The following GRIP1 variants were observed in gnomAD, a reference collection of about 807,000 sequenced individuals.
GRIP1 encodes the protein glutamate receptor interacting protein 1.
A neutral mutation model predicts 129.9 loss-of-function variants in GRIP1; 45 were observed. That is an observed-to-expected ratio of 0.35 (90% CI 0.27 to 0.44). The LOEUF (loss-of-function observed/expected upper bound fraction) is 0.44. Among genes scored for constraint, GRIP1 ranks in the 20% least tolerant of loss-of-function variants. The pLI is 1.00. For synonymous variants in GRIP1, 530 were observed against 520.8 expected (o/e 1.02, Z -0.24); for missense variants, 1,196 against 1,396.8 (o/e 0.86, Z 2.29).
At chr12:66,959,015 G>A (rs1464543531) in intron 1 of GRIP1, among the ~76,000 whole-genome samples, 1 of 152,136 alleles carries the variant, frequency 6.6e-6, no homozygotes, top group African/African-American at 2.4e-5. Context: ...TTTATTCCTA[G>A]ATGGATGAAC....
chr12:66,373,732 A>G (rs753573837), intron 22 of GRIP1, among the ~76,000 whole-genome samples: 8 of 152,264 alleles, frequency 5.3e-5, no homozygotes, highest in African/African-American at 1.2e-4. Flanking sequence ...AAAGAAAATT[A>G]TAACTGTAAA....
intron 1 of GRIP1, among the ~76,000 whole-genome samples, chr12:66,665,636 T>A (rs1255422429): frequency 6.6e-6 from 1 of 152,204 alleles, no homozygotes; most frequent in Non-Finnish European, 1.5e-5. Flanking sequence ...GTGCATAGTA[T>A]GCCAATAATT....
chr12:66,883,945 T>C (rs750422912), intron 1 of GRIP1, among the ~76,000 whole-genome samples: 2 of 152,222 alleles, frequency 1.3e-5, no homozygotes, highest in African/African-American at 2.4e-5. Context: ...GCATAATGCC[T>C]GGCACATTGT....
intron 1 of GRIP1, among the ~76,000 whole-genome samples, chr12:66,647,833 G>A (rs1314482514): frequency 2.0e-5 from 3 of 152,080 alleles, no homozygotes; most frequent in Non-Finnish European, 4.4e-5. Flanking sequence ...CAGAGATGAT[G>A]GGTTTTGGAA....
intron 9 of GRIP1, among the ~76,000 whole-genome samples, chr12:66,459,607 A>G (rs2059074310): frequency 6.6e-6 from 1 of 152,258 alleles, no homozygotes; most frequent in African/African-American, 2.4e-5. Flanking sequence ...CAATTGCTAC[A>G]GGCAGGTTAA....
At chr12:66,917,603 T>TA (rs1205179444) in intron 1 of GRIP1, among the ~76,000 whole-genome samples, 1 of 152,222 alleles carries the variant, frequency 6.6e-6, no homozygotes, top group East Asian at 1.9e-4. Context: ...ATGCCAAGTG[T>TA]AGTGCTTCAT....
At chr12:66,367,276 C>T (rs777834671) in intron 23 of GRIP1, among the ~76,000 whole-genome samples, 5 of 152,114 alleles carry the variant, frequency 3.3e-5, no homozygotes, top group Non-Finnish European at 5.9e-5. Flanking sequence ...AGCTCCAGGG[C>T]CTTACTTAGA....
chr12:66,423,049 T>C (rs1399608234), intron 14 of GRIP1, among the ~76,000 whole-genome samples: 1 of 152,214 alleles, frequency 6.6e-6, no homozygotes, highest in Admixed American at 6.5e-5. Context: ...AAATATTTAG[T>C]TGCCAACACT....
intron 1 of GRIP1, among the ~76,000 whole-genome samples, chr12:66,640,969 C>T (rs960133395): frequency 4.6e-5 from 7 of 152,150 alleles, no homozygotes; most frequent in Non-Finnish European, 1.0e-4. Flanking sequence ...AAATCCAACG[C>T]AAGAGTGCCA....
intron 1 of GRIP1, among the ~76,000 whole-genome samples, chr12:66,704,495 T>A (rs2035462288): frequency 6.6e-6 from 1 of 151,894 alleles, no homozygotes; most frequent in Admixed American, 6.6e-5. Flanking sequence ...GGGTAAAGAA[T>A]CAACACAAAT....
At chr12:66,464,759 T>C (rs568741341) in intron 8 of GRIP1, among the ~76,000 whole-genome samples, 1 of 152,238 alleles carries the variant, frequency 6.6e-6, no homozygotes, top group South Asian at 2.1e-4. Context: ...GGTGAATTTT[T>C]AAGCCCTGTA....
At chr12:66,398,271 T>G (rs1285251605) in intron 16 of GRIP1, among the ~76,000 whole-genome samples, 3 of 149,894 alleles carry the variant, frequency 2.0e-5, no homozygotes, top group Admixed American at 2.0e-4. Context: ...CTCTCTTACT[T>G]AAAGCTTTTC....
rs115562968 is a variant in GRIP1 at position 66,997,402 on chromosome 12, G to T, written c.58+71648C>A. Among the ~76,000 whole-genome samples, 836 of 152,184 alleles carry T rather than the reference G, an allele frequency of 5.5e-3. 11 individuals carry two copies. Among genetic ancestry groups the T allele is most frequent in the African/African-American group, 0.019 (778 of 41,514 alleles). Reference sequence around the variant, plus strand: ...AAGGCCAGCCAGGGAAACAAACAAAGTGAAACCCTATCTCAAAAAATAAGA... The same window carrying T: ...AAGGCCAGCCAGGGAAACAAACAAATTGAAACCCTATCTCAAAAAATAAGA... On this transcript the variant is annotated intron_variant, in intron 1 of 1. Transcript: ENST00000643019.
chr12:66,505,929 G>A (rs2060514740), intron 7 of GRIP1, among the ~76,000 whole-genome samples: 1 of 152,028 alleles, frequency 6.6e-6, no homozygotes, highest in Non-Finnish European at 1.5e-5. Context: ...ATATCTATAT[G>A]GCCAATATTA....
At chr12:66,694,842 C>T (rs547499922) in intron 1 of GRIP1, among the ~76,000 whole-genome samples, 2 of 152,192 alleles carry the variant, frequency 1.3e-5, no homozygotes, top group African/African-American at 4.8e-5. Flanking sequence ...CGGATTACCA[C>T]AGTAGACATC....
chr12:66,564,167 T>C (rs1005331455), intron 2 of GRIP1: 1 of 152,738 alleles, frequency 6.5e-6, no homozygotes, highest in African/African-American at 2.4e-5. Flanking sequence ...AGGGTACATG[T>C]GCACAACGTG....
Position 66,517,960 on chromosome 12 carries a change from A to G in GRIP1, c.519T>C (p.Asp173=), listed in dbSNP as rs1472790128. ...GFVIRGGAHD[D]RNKSRPVVIT... Reference sequence around the variant, plus strand: ...TCACAACTGGACGAGATTTATTTCTATCATCATGTGCTCCCCCTAGCAAAG... The same window carrying G: ...TCACAACTGGACGAGATTTATTTCTGTCATCATGTGCTCCCCCTAGCAAAG... The change falls in exon 6 of 25, where the codon GAT becomes GAC. Residue 173 remains aspartate (D), a synonymous_variant. Transcript: ENST00000359742. 6 of 1,590,050 alleles carry G rather than the reference A, an allele frequency of 3.8e-6. No individual in the cohort carries two copies. The highest frequency in any genetic ancestry group is 3.5e-6 in the Non-Finnish European group (4 of 1,158,384).
At chr12:66,756,862 C>T (rs1049993415) in intron 1 of GRIP1, among the ~76,000 whole-genome samples, 2 of 152,176 alleles carry the variant, frequency 1.3e-5, no homozygotes, top group Non-Finnish European at 2.9e-5. Context: ...CTTCTGCCTT[C>T]AGAGACTGCC....
At chr12:67,020,435 T>A (rs1315805968) in intron 1 of GRIP1, among the ~76,000 whole-genome samples, 1 of 152,174 alleles carries the variant, frequency 6.6e-6, no homozygotes, top group Non-Finnish European at 1.5e-5. Flanking sequence ...AGAGACAAGG[T>A]CTTGCTCTCT....
Sources: allele counts gnomAD v4.1 joint callset (sites outside exome capture counted in the v4.1 genomes callset), GRCh38; gene constraint gnomAD v4.1.1; transcripts MANE v1.5; gene names NCBI Gene and HGNC (gene_info 2026-07-23, HGNC 2026-07-21).